Variants in TBC1D8 observed in about 807,000 individuals in gnomAD.
The protein encoded by TBC1D8 is TBC1 domain family member 8, also known as BUB2-like protein 1.
A neutral mutation model predicts 118.8 loss-of-function variants in TBC1D8; 65 were observed. The ratio of observed to expected loss-of-function variants is 0.55; its 90% CI spans 0.45 to 0.67. The LOEUF (loss-of-function observed/expected upper bound fraction) is 0.67. Ranked by LOEUF, TBC1D8 falls within the 30% of genes least tolerant of loss-of-function variation. The pLI is 0.00. For synonymous variants in TBC1D8, 566 were observed against 595.8 expected, an observed-to-expected ratio of 0.95 and a Z score of 0.73; for missense variants, 1,376 against 1,471.2, an observed-to-expected ratio of 0.94 and a Z score of 1.06.
chr2:101,044,498 T>C (rs1221411497), intron 5 of TBC1D8, among the ~76,000 whole-genome samples: 1 of 152,226 alleles, frequency 6.6e-6, no homozygotes, highest in Non-Finnish European at 1.5e-5. Context: ...ACAGCCCGCT[T>C]CTCAGACTTT....
chr2:101,099,980 C>T (rs4405785), intron 1 of TBC1D8, among the ~76,000 whole-genome samples: 22,892 of 152,120 alleles, frequency 0.15, 1,882 homozygotes, highest in Middle Eastern at 0.25. Flanking sequence ...CTCACCACTC[C>T]TATTCAACAT....
intron 1 of TBC1D8, among the ~76,000 whole-genome samples, chr2:101,093,302 C>T (rs966539355): frequency 3.3e-5 from 5 of 152,152 alleles, no homozygotes; most frequent in African/African-American, 1.2e-4. Flanking sequence ...GTTGGCAACC[C>T]TAGCCCCAGC....
rs1326697675 is a variant in TBC1D8 at position 101,054,399 on chromosome 2, G to A, written c.403-63C>T. ...AGCAATGGGAAGGCAGGGGGTGCAA[G>A]GGACAGGAAGCAGGAGGGACTGAGG... On this transcript the variant is annotated intron_variant, in intron 3 of 19. Coordinates refer to ENST00000409318, the MANE Select transcript of TBC1D8 (RefSeq NM_001330348.2). The A allele has an allele frequency of 7.3e-6, 11 of 1,516,766 alleles. No homozygotes were observed. In the Admixed American group the frequency reaches 1.6e-4, roughly 22 times the overall value. 94.0% of individuals were successfully genotyped at this position (1,516,766 alleles called of 1,614,324 possible). A position where few individuals can be genotyped will look rare whatever the true frequency, so the allele number is the denominator to read the frequency against.
At chr2:101,103,550 C>A (rs1462106859) in intron 1 of TBC1D8, among the ~76,000 whole-genome samples, 1 of 152,004 alleles carries the variant, frequency 6.6e-6, no homozygotes, top group Non-Finnish European at 1.5e-5. Context: ...CGCCACCACG[C>A]CCGGCTAATT....
At chr2:101,012,221 G>T (rs562304047) in intron 17 of TBC1D8, among the ~76,000 whole-genome samples, 1 of 152,294 alleles carries the variant, frequency 6.6e-6, no homozygotes, top group East Asian at 1.9e-4. Flanking sequence ...ACACCCAAGA[G>T]AACTGAAAGT....
At chr2:101,017,731 C>A in intron 17 of TBC1D8, 2 of 998,468 alleles carry the variant, frequency 2.0e-6, no homozygotes, top group Non-Finnish European at 3.0e-6. Flanking sequence ...CACTTTATCA[C>A]AGGCAAGATA....
Position 101,011,005 on chromosome 2 carries a change from T to A in TBC1D8, c.2939A>T (p.Lys980Ile). 1 of 1,612,876 alleles carries A rather than the reference T, an allele frequency of 6.2e-7. No homozygotes were observed. The highest frequency in any genetic ancestry group is 1.1e-5 in the South Asian group (1 of 91,076). The change falls in exon 19 of 20, where the codon AAA (lysine) becomes ATA (isoleucine). Residue 980 changes from lysine (K) to isoleucine (I), a missense_variant. Lys to Ile is a moderately radical substitution (Grantham distance 102). Transcript: ENST00000409318. ...KPNGDAVDYQ[K>I]QLKQMIKDLA... is the part of the protein sequence containing the mutation. Reference sequence around the variant, plus strand: ...ATCCTTAATCATCTGCTTCAGCTGTTTCTGATAATCAACTGCATCACCTTG... The same window carrying A: ...ATCCTTAATCATCTGCTTCAGCTGTATCTGATAATCAACTGCATCACCTTG...
At chr2:101,090,146 A>G in intron 2 of TBC1D8, 63 bp downstream of exon 2, 1 of 1,536,290 alleles carries the variant, frequency 6.5e-7, no homozygotes, top group Non-Finnish European at 8.8e-7. Context: ...CTTCACCAAC[A>G]TGCAGATACT....
intron 2 of TBC1D8, among the ~76,000 whole-genome samples, chr2:101,066,259 G>C (rs527305519): frequency 6.6e-6 from 1 of 152,100 alleles, no homozygotes; most frequent in Admixed American, 6.5e-5. Flanking sequence ...ACTCCAGCCT[G>C]GGCGAAACAG....
Position 101,072,606 on chromosome 2 carries a change from A to T in TBC1D8, c.284-13067T>A, listed in dbSNP as rs1297263928. Among the ~76,000 whole-genome samples, 2 of 152,178 alleles carry T rather than the reference A, an allele frequency of 1.3e-5. 1 individual carries two copies. Among genetic ancestry groups the T allele is most frequent in the South Asian group, 4.1e-4 (2 of 4,828 alleles). ...AACTGTTCCACCTCGGATCATCATC[A>T]GGCATTGGTTAGATTCCCATAAGGA... On this transcript the variant is annotated intron_variant, in intron 2 of 19. Transcript: ENST00000409318.
intron 14 of TBC1D8, 133 bp from the exon 15 acceptor site, chr2:101,027,584 T>G (rs1462260263): frequency 1.4e-6 from 1 of 736,294 alleles, no homozygotes; most frequent in Non-Finnish European, 2.3e-6. Context: ...CAAAGGCTCT[T>G]TTCTGACATA....
At chr2:101,101,903 G>A (rs765769961) in intron 1 of TBC1D8, among the ~76,000 whole-genome samples, 2 of 152,046 alleles carry the variant, frequency 1.3e-5, no homozygotes, top group Non-Finnish European at 2.9e-5. Context: ...TGGGGGGTAG[G>A]GGGTGAGGGG....
At chr2:101,132,609 G>C (rs545772315) in intron 1 of TBC1D8, among the ~76,000 whole-genome samples, 1 of 152,158 alleles carries the variant, frequency 6.6e-6, no homozygotes, top group East Asian at 1.9e-4. Context: ...TTTTGTTTGA[G>C]ATAGGATCTC....
chr2:101,036,627 C>A (rs1379381769), intron 8 of TBC1D8, among the ~76,000 whole-genome samples: 1 of 151,998 alleles, frequency 6.6e-6, no homozygotes, highest in African/African-American at 2.4e-5. Context: ...TTCCTGACAG[C>A]CAGAGGGAAA....
At chr2:101,036,213 C>T in intron 8 of TBC1D8, 45 bp from the exon 9 acceptor site, 1 of 1,593,454 alleles carries the variant, frequency 6.3e-7, no homozygotes, top group East Asian at 2.3e-5. Flanking sequence ...TCTGTCCTCA[C>T]CACCCCCCAC....
In TBC1D8 at chr2:101,011,518, G is replaced by T; in HGVS notation, c.2850C>A (p.Asp950Glu). 1 of 1,613,964 alleles carries T rather than the reference G, an allele frequency of 6.2e-7. No individual in the cohort carries two copies. Among genetic ancestry groups the T allele is most frequent in the Non-Finnish European group, 8.5e-7 (1 of 1,179,880 alleles). ...GAGGATTCCTCAACGGCGACTGGCTGTCTCGGTCATTTTCAGTGAGTGCTT... is the reference window on the plus strand; with the variant it reads ...GAGGATTCCTCAACGGCGACTGGCTTTCTCGGTCATTTTCAGTGAGTGCTT... ...IPPALTENDR[D>E]SQSPLRNPLL... The change falls in exon 18 of 20, where the codon GAC (aspartate) becomes GAA (glutamate). Residue 950 changes from aspartate to glutamate, a missense_variant. Coordinates refer to ENST00000409318, the MANE Select transcript of TBC1D8 (RefSeq NM_001330348.2).
intron 4 of TBC1D8, among the ~76,000 whole-genome samples, chr2:101,052,220 T>TA (rs1426134127): frequency 1.3e-5 from 2 of 152,302 alleles, no homozygotes; most frequent in South Asian, 2.1e-4. Context: ...TAACAGTTGT[T>TA]AGAGTATTAG....
At chr2:101,140,373 C>T (rs754637623) in intron 1 of TBC1D8, among the ~76,000 whole-genome samples, 2 of 152,164 alleles carry the variant, frequency 1.3e-5, no homozygotes, top group Admixed American at 1.3e-4. Context: ...AAATGACACA[C>T]CCCACGCATG....
chr2:101,150,336 A>G (rs1679501778), intron 1 of TBC1D8, among the ~76,000 whole-genome samples: 1 of 152,214 alleles, frequency 6.6e-6, no homozygotes, highest in African/African-American at 2.4e-5. Flanking sequence ...AAAATTGGAA[A>G]GAAAAATATA....
Sources: gnomAD v4.1 joint callset for allele counts (sites outside exome capture counted in the v4.1 genomes callset) on GRCh38, gnomAD v4.1.1 for gene constraint, MANE v1.5 for transcripts, NCBI Gene and HGNC (gene_info 2026-07-23, HGNC 2026-07-21) for gene names.